SLC4A10: variants seen among roughly 807,000 people sequenced by gnomAD.
The protein encoded by SLC4A10 is sodium-driven chloride bicarbonate exchanger.
Under a neutral mutation model 137.7 loss-of-function variants are expected in SLC4A10, and 42 were observed. That is an observed-to-expected ratio of 0.30 (90% CI 0.24 to 0.39). The LOEUF (loss-of-function observed/expected upper bound fraction) is 0.39. Among genes scored for constraint, SLC4A10 ranks in the 10% least tolerant of loss-of-function variants. The pLI is 1.00. For missense variants in SLC4A10, 925 were observed against 1,355.0 expected (o/e 0.68, Z 4.98); for synonymous variants, 474 against 464.1 (o/e 1.02, Z -0.27).
At chr2:161,643,819 AT>A (rs773508113) in intron 1 of SLC4A10, among the ~76,000 whole-genome samples, 20 of 152,186 alleles carry the variant, frequency 1.3e-4, no homozygotes, top group Non-Finnish European at 2.4e-4. Flanking sequence ...GGTAAAATTA[AT>A]TGATTCAAGT....
intron 9 of SLC4A10, among the ~76,000 whole-genome samples, chr2:161,880,155 A>T (rs2061678756): frequency 6.6e-6 from 1 of 152,010 alleles, no homozygotes; most frequent in Admixed American, 6.6e-5. Flanking sequence ...CCACAGCAAA[A>T]CATGTATATT....
At chr2:161,702,417 A>G (rs930682417) in intron 1 of SLC4A10, among the ~76,000 whole-genome samples, 1 of 151,846 alleles carries the variant, frequency 6.6e-6, no homozygotes, top group Non-Finnish European at 1.5e-5. Flanking sequence ...GTTTGTTTAT[A>G]TTTTCCTATC....
intron 9 of SLC4A10, among the ~76,000 whole-genome samples, chr2:161,881,529 T>G (rs1013642821): frequency 6.6e-6 from 1 of 152,162 alleles, no homozygotes; most frequent in South Asian, 2.1e-4. Flanking sequence ...ACTATTTTAG[T>G]ACACCTTGTG....
intron 5 of SLC4A10, among the ~76,000 whole-genome samples, chr2:161,861,930 C>T (rs1237141704): frequency 6.6e-6 from 1 of 152,100 alleles, no homozygotes; most frequent in Non-Finnish European, 1.5e-5. Flanking sequence ...ACTTTGAAAC[C>T]TTTATTGTAC....
chr2:161,980,104 A>T (rs1488931420), intron 26 of SLC4A10, among the ~76,000 whole-genome samples: 1 of 152,186 alleles, frequency 6.6e-6, no homozygotes, highest in Non-Finnish European at 1.5e-5. Context: ...ATTGCATCAG[A>T]ATAGGTTAGC....
intron 8 of SLC4A10, among the ~76,000 whole-genome samples, chr2:161,876,467 T>C (rs2061453615): frequency 6.6e-6 from 1 of 152,058 alleles, no homozygotes; most frequent in Non-Finnish European, 1.5e-5. Context: ...TCACTTGAGC[T>C]TAGGAGTTCG....
At chr2:161,708,559 T>G in intron 1 of SLC4A10, 1 of 859,946 alleles carries the variant, frequency 1.2e-6, no homozygotes, top group South Asian at 2.2e-5. Flanking sequence ...AATACAACTG[T>G]GTCAGTCTCT....
chr2:161,947,475 G>C lies in SLC4A10; in HGVS notation c.2104-91G>C, dbSNP rs547475119. On this transcript the variant is annotated intron_variant, in intron 16 of 26. Transcript: ENST00000446997. ...CCATAAAGGAAAAGCCTCAGCATCT[G>C]AACTACAATTGATCAGAAGGTGTTA... 4.5e-6 allele frequency: 6 copies of C among 1,333,986 alleles called. No homozygotes were observed. In the South Asian group the frequency reaches 9.0e-5, roughly 20 times the overall value. 82.6% of individuals were successfully genotyped at this position (1,333,986 alleles called of 1,614,324 possible).
intron 1 of SLC4A10, among the ~76,000 whole-genome samples, chr2:161,762,381 A>T (rs2050343134): frequency 6.6e-6 from 1 of 152,118 alleles, no homozygotes; most frequent in South Asian, 2.1e-4. Context: ...GTTAGTATTT[A>T]AATTCTTGTA....
chr2:161,837,305 A>G (rs970243789), intron 3 of SLC4A10, among the ~76,000 whole-genome samples: 25 of 152,320 alleles, frequency 1.6e-4, no homozygotes, highest in African/African-American at 5.0e-4. Context: ...CTACACTAGC[A>G]TTAAAAATTG....
At chr2:161,952,748 C>T (rs1695015317) in intron 19 of SLC4A10, among the ~76,000 whole-genome samples, 1 of 152,178 alleles carries the variant, frequency 6.6e-6, no homozygotes, top group Non-Finnish European at 1.5e-5. Flanking sequence ...AGATGTATTT[C>T]ATCTACATTG....
At chr2:161,962,213 AACAGATC>A (rs1475561280) in intron 21 of SLC4A10, among the ~76,000 whole-genome samples, 2 of 152,198 alleles carry the variant, frequency 1.3e-5, no homozygotes, top group Non-Finnish European at 2.9e-5. Flanking sequence ...TGGCAGAAAA[AACAGATC>A]ACAGTGTTCT....
chr2:161,724,293 C>A (rs1441730266), intron 1 of SLC4A10, among the ~76,000 whole-genome samples: 1 of 152,140 alleles, frequency 6.6e-6, no homozygotes. Flanking sequence ...TTGAAAGGCT[C>A]ACCATTACTT....
rs189375846 is a variant in SLC4A10 at position 161,912,668 on chromosome 2, C to T, written c.1997+6781C>T. On this transcript the variant is annotated intron_variant, in intron 15 of 26. Coordinates refer to ENST00000446997, the MANE Select transcript of SLC4A10 (RefSeq NM_001178015.2). ...ACTCCAGAAAAGGCTACTACAAACC[C>T]TGAGACTATTAGCCATGTCTCAGTC... 5.9e-5 allele frequency among the ~76,000 whole-genome samples: 9 copies of T among 152,234 alleles called. No homozygotes were observed. In the East Asian group the frequency reaches 1.4e-3, roughly 23 times the overall value.
At chr2:161,881,963 C>A (rs886559084) in intron 9 of SLC4A10, among the ~76,000 whole-genome samples, 18 of 151,918 alleles carry the variant, frequency 1.2e-4, no homozygotes, top group Non-Finnish European at 2.2e-4. Context: ...CCCCTTTGAA[C>A]TATTCGCCAT....
At position 161,788,392 on chromosome 2, in the gene SLC4A10, A is replaced by C. The variant is rs148703640; in HGVS notation, c.131-16057A>C. Among the ~76,000 whole-genome samples the C allele has an allele frequency of 9.2e-4, 140 of 151,998 alleles. 1 individual carries two copies. Among genetic ancestry groups the C allele is most frequent in the African/African-American group, 3.3e-3 (136 of 41,466 alleles). ...TCTTCAGTCAAGTAGGAGGTGCTTAAGAGTAAGAATCCACTCACCCTCAGG... is the reference window on the plus strand; with the variant it reads ...TCTTCAGTCAAGTAGGAGGTGCTTACGAGTAAGAATCCACTCACCCTCAGG... On this transcript the variant is annotated intron_variant, in intron 2 of 26. Transcript: ENST00000446997.
intron 21 of SLC4A10, among the ~76,000 whole-genome samples, chr2:161,961,406 T>C (rs1207239035): frequency 2.0e-5 from 3 of 152,238 alleles, no homozygotes; most frequent in Non-Finnish European, 2.9e-5. Flanking sequence ...AGCCATGTTA[T>C]ATGTTTTAAT....
chr2:161,748,504 G>A (rs1035391700), intron 1 of SLC4A10, among the ~76,000 whole-genome samples: 4 of 150,182 alleles, frequency 2.7e-5, no homozygotes, highest in African/African-American at 9.8e-5. Flanking sequence ...TTATTCTTTT[G>A]CATGTGGATA....
chr2:161,653,604 G>T (rs1269465848), intron 1 of SLC4A10, among the ~76,000 whole-genome samples: 1 of 152,094 alleles, frequency 6.6e-6, no homozygotes. Flanking sequence ...CTATGAATTT[G>T]ATTATTTTAA....
Sources: gnomAD v4.1 joint callset for allele counts (sites outside exome capture counted in the v4.1 genomes callset) on GRCh38, gnomAD v4.1.1 for gene constraint, MANE v1.5 for transcripts, NCBI Gene and HGNC (gene_info 2026-07-23, HGNC 2026-07-21) for gene names.